PKHD1L1: variants seen among roughly 807,000 people sequenced by gnomAD.
PKHD1L1 encodes the protein PKHD1 like 1, also known as fibrocystin-L.
A neutral mutation model predicts 462.9 loss-of-function variants in PKHD1L1; 434 were observed. The ratio of observed to expected loss-of-function variants is 0.94; its 90% confidence interval spans 0.87 to 1.02. The LOEUF (loss-of-function observed/expected upper bound fraction) is 1.02. Among genes scored for constraint, PKHD1L1 ranks in the 50% least tolerant of loss-of-function variants. The pLI is 0.00. For synonymous variants in PKHD1L1, 1,781 were observed against 1,750.0 expected (o/e 1.02, Z -0.44); for missense variants, 5,202 against 5,096.1 (o/e 1.02, Z -0.63).
chr8:109,430,824 A>T (rs1031862766), intron 27 of PKHD1L1, among the ~76,000 whole-genome samples: 1 of 152,202 alleles, frequency 6.6e-6, no homozygotes, highest in South Asian at 2.1e-4. Context: ...CAGACTTTTT[A>T]AAATAGTGAT....
intron 48 of PKHD1L1, 24 bp from the exon 49 acceptor site, chr8:109,464,192 A>C (rs774806219): frequency 1.3e-6 from 2 of 1,510,900 alleles, no homozygotes; most frequent in South Asian, 2.8e-5. Context: ...ATTACTAAAT[A>C]ACTGTGATTT....
rs764137591 is a variant in PKHD1L1 at position 109,425,173 on chromosome 8, C to T, written c.2786C>T (p.Ala929Val). The change falls in exon 24 of 78, where the codon GCT becomes GTT. Residue 929 changes from alanine (A) to valine (V), a missense_variant. Physicochemically the swap from Ala to Val is moderately conservative, Grantham distance 64 (BLOSUM62 0). This residue lies in a region of PKHD1L1 where 4,497 missense variants were observed against 4,336.8 expected (regional missense o/e 1.04). Transcript: ENST00000378402. ...AAAATTCATATTCAAAGAATTCAAG[C>T]TGCATCTCCACCTCTAAGTGGCAGC... ...ESKIHIQRIQ[A>V]ASPPLSGSFD... The T allele has an allele frequency of 3.1e-6, 5 of 1,610,204 alleles. No individual in the cohort carries two copies. Among genetic ancestry groups the T allele is most frequent in the Non-Finnish European group, 3.4e-6 (4 of 1,178,432 alleles).
intron 2 of PKHD1L1, among the ~76,000 whole-genome samples, chr8:109,373,779 G>A (rs922988248): frequency 2.0e-5 from 3 of 152,172 alleles, no homozygotes; most frequent in Non-Finnish European, 2.9e-5. Context: ...AGTCATTCAG[G>A]AGCAGGTTGT....
At chr8:109,421,295 C>T (rs144213438) in intron 23 of PKHD1L1, among the ~76,000 whole-genome samples, 300 of 151,672 alleles carry the variant, frequency 2.0e-3, no homozygotes, top group African/African-American at 6.8e-3. Flanking sequence ...AATCATTAAC[C>T]ATTGTAATTG....
chr8:109,418,325 C>T (rs1451114839), intron 21 of PKHD1L1, among the ~76,000 whole-genome samples: 1 of 151,976 alleles, frequency 6.6e-6, no homozygotes, highest in Admixed American at 6.6e-5. Flanking sequence ...CTTTGATGAG[C>T]TAGAGGTGGA....
chr8:109,491,867 A>G lies in PKHD1L1; in HGVS notation c.10115-6A>G, dbSNP rs1388718144. ...ATTTTCTTTCTTTTTTTCTTTTTTT[A>G]AACAGGCATAAGAATATGGGGGAAT... is the stretch of plus-strand genomic sequence containing the variant. On this transcript the variant is annotated splice_polypyrimidine_tract_variant and splice_region_variant and intron_variant, in intron 61 of 77. Coordinates refer to ENST00000378402, the MANE Select transcript of PKHD1L1 (RefSeq NM_177531.6). The G allele has an allele frequency of 6.4e-6, 10 of 1,569,046 alleles. No homozygotes were observed. The highest frequency in any genetic ancestry group is 1.2e-5 in the South Asian group (1 of 85,188).
chr8:109,417,891 A>G (rs976438540), intron 21 of PKHD1L1, among the ~76,000 whole-genome samples: 1 of 152,218 alleles, frequency 6.6e-6, no homozygotes, highest in African/African-American at 2.4e-5. Flanking sequence ...TAGGTCAGAC[A>G]GTCCACCTGG....
chr8:109,498,848 A>C, intron 67 of PKHD1L1, 77 bp downstream of exon 67: 1 of 1,249,944 alleles, frequency 8.0e-7, no homozygotes, highest in Non-Finnish European at 1.1e-6. Flanking sequence ...ATAATGTTTC[A>C]TTGTTAGTAA....
intron 49 of PKHD1L1, among the ~76,000 whole-genome samples, chr8:109,465,456 ATG>A (rs1237079574): frequency 6.6e-6 from 1 of 152,134 alleles, no homozygotes; most frequent in Admixed American, 6.6e-5. Context: ...GCCTCCAAAT[ATG>A]TCCTTTTTCT....
intron 3 of PKHD1L1, 50 bp from the exon 4 acceptor site, chr8:109,382,413 T>C: frequency 6.7e-7 from 1 of 1,482,946 alleles, no homozygotes; most frequent in Non-Finnish European, 9.2e-7. Context: ...TACTATACAC[T>C]AAATAAGAGA....
rs1369200845 is a variant in PKHD1L1, at chr8:109,507,821, A to G, written c.11153A>G (p.Tyr3718Cys). 3.7e-6 allele frequency: 6 copies of G among 1,613,598 alleles called. No individual in the cohort carries two copies. The highest frequency in any genetic ancestry group is 3.3e-5 in the South Asian group (3 of 91,076). Reference protein sequence around the residue: ...DGNSQVGIGDYRIPKAMLTFL... With the variant: ...DGNSQVGIGDCRIPKAMLTFL... ...AACAGCCAAGTAGGAATTGGAGACT[A>G]CAGAATTCCTAAGGCGATGCTCACA... Residue 3718 changes from tyrosine (Y) to cysteine (C), a missense_variant, in exon 69 of 78, where the codon TAC becomes TGC. Physicochemically the swap from Tyr to Cys is radical, Grantham distance 194. Coordinates refer to ENST00000378402, the MANE Select transcript of PKHD1L1 (RefSeq NM_177531.6).
chr8:109,422,990 A>C (rs1249938368), intron 23 of PKHD1L1, among the ~76,000 whole-genome samples: 1 of 152,156 alleles, frequency 6.6e-6, no homozygotes, highest in Non-Finnish European at 1.5e-5. Flanking sequence ...TCTTTTTATG[A>C]ACTTATTTGC....
chr8:109,440,772 G>T lies in PKHD1L1; in HGVS notation c.4019G>T (p.Gly1340Val), dbSNP rs776536617. ...LEVTSMFPQRGSLFGGTEITI... is the reference protein window; with the variant it reads ...LEVTSMFPQRVSLFGGTEITI... ...GTGACCAGCATGTTTCCACAAAGAG[G>T]CTCCTTGTTTGGTGGAACTGAAATC... The change falls in exon 33 of 78, where the codon GGC (glycine) becomes GTC (valine). Residue 1340 changes from glycine to valine, a missense_variant. Physicochemically the swap from Gly to Val is moderately radical, Grantham distance 109. Around this residue, in one of 3 missense-constraint regions of PKHD1L1, gnomAD observed 4,497 missense variants for 4,336.8 expected, o/e 1.04. Transcript: ENST00000378402. 1.2e-5 allele frequency: 20 copies of T among 1,612,888 alleles called. No homozygotes were observed. The South Asian group carries it at 1.6e-4, about 13-fold the overall frequency.
Position 109,485,128 on chromosome 8 carries a change from C to T in PKHD1L1, c.9661C>T (p.His3221Tyr), listed in dbSNP as rs1818461657. ...AAGTATCGTTAAAATCCTGCATGAT[C>T]ATAAAATTCTCATTCTTAATGATAG... ...TRSIVKILHD[H>Y]KILILNDSLS... is the part of the protein sequence containing the mutation. Residue 3221 changes from histidine (H) to tyrosine (Y), a missense_variant, in exon 58 of 78, where the codon CAT (histidine) becomes TAT (tyrosine). Physicochemically the swap from His to Tyr is moderately conservative, Grantham distance 83. This residue lies in a region of PKHD1L1 where 4,497 missense variants were observed against 4,336.8 expected (regional missense o/e 1.04). Coordinates refer to ENST00000378402, the MANE Select transcript of PKHD1L1 (RefSeq NM_177531.6). 6.3e-7 allele frequency: 1 copy of T among 1,597,120 alleles called. No individual in the cohort carries two copies. Among genetic ancestry groups the T allele is most frequent in the South Asian group, 1.1e-5 (1 of 87,688 alleles).
In PKHD1L1 at chr8:109,536,817, G is replaced by A. The variant is rs926748179; in HGVS notation, c.*6727G>A. Among the ~76,000 whole-genome samples the A allele has an allele frequency of 1.3e-5, 2 of 152,038 alleles. No individual in the cohort carries two copies. The highest frequency in any genetic ancestry group is 2.4e-5 in the African/African-American group (1 of 41,386). On this transcript the variant is annotated 3_prime_UTR_variant, in exon 78 of 78. Coordinates refer to ENST00000378402, the MANE Select transcript of PKHD1L1 (RefSeq NM_177531.6). ...TGCTAATTGTAATAACAATTATGAGGAAAAATTTATTTAAATGCTTCATAG... is the reference window on the plus strand; with the variant it reads ...TGCTAATTGTAATAACAATTATGAGAAAAAATTTATTTAAATGCTTCATAG...
rs1285961731 is a variant in PKHD1L1, at chr8:109,449,492, G to C, written c.6175+5G>C. ...GTGAAATTCCATCTAATAATGGTAA[G>C]TTGTCAGAAAAAGTAATGGCAGTCT... On this transcript the variant is annotated splice_donor_5th_base_variant and intron_variant, in intron 40 of 77. Coordinates refer to ENST00000378402, the MANE Select transcript of PKHD1L1 (RefSeq NM_177531.6). 6.3e-7 allele frequency: 1 copy of C among 1,577,704 alleles called. No individual in the cohort carries two copies. Among genetic ancestry groups the C allele is most frequent in the Non-Finnish European group, 8.6e-7 (1 of 1,161,608 alleles).
intron 2 of PKHD1L1, among the ~76,000 whole-genome samples, chr8:109,378,250 C>G (rs1811937557): frequency 6.6e-6 from 1 of 152,202 alleles, no homozygotes; most frequent in Non-Finnish European, 1.5e-5. Flanking sequence ...GAGATAATGT[C>G]TTCACTCCTG....
chr8:109,440,724 C>A lies in PKHD1L1; in HGVS notation c.3971C>A (p.Ser1324Tyr). ...TTTTTTCTCAGAGACAAATTAAATT[C>A]TTCAATACAGTATGTTTTAGAAGTG... ...GFASTRDKLN[S>Y]SIQYVLEVTS... Residue 1324 changes from serine (S) to tyrosine (Y), a missense_variant, in exon 33 of 78, where the codon TCT becomes TAT. By Grantham distance (144) the Ser-to-Tyr change is moderately radical. Transcript: ENST00000378402. 1 of 1,610,988 alleles carries A rather than the reference C, an allele frequency of 6.2e-7. No individual in the cohort carries two copies. The highest frequency in any genetic ancestry group is 8.5e-7 in the Non-Finnish European group (1 of 1,178,174).
chr8:109,383,609 A>C (rs1812285697), intron 4 of PKHD1L1, among the ~76,000 whole-genome samples: 1 of 150,794 alleles, frequency 6.6e-6, no homozygotes, highest in African/African-American at 2.4e-5. Flanking sequence ...TCTGTCTTCA[A>C]GAAGCTTCTA....
Sources: allele counts gnomAD v4.1 joint callset (sites outside exome capture counted in the v4.1 genomes callset), GRCh38; gene constraint gnomAD v4.1.1; regional missense constraint gnomAD v4.1.1; transcripts MANE v1.5; gene names NCBI Gene and HGNC (gene_info 2026-07-23, HGNC 2026-07-21).